The following MBP variants were observed in gnomAD, a reference collection of about 807,000 sequenced individuals.
MBP encodes the protein myelin basic protein.
In MBP, 16 loss-of-function variants were observed where a neutral mutation model predicts 35.8. The ratio of observed to expected loss-of-function variants is 0.45; its 90% CI spans 0.30 to 0.68. The LOEUF (loss-of-function observed/expected upper bound fraction) is 0.68. Ranked by LOEUF, MBP falls within the 30% of genes least tolerant of loss-of-function variation. The probability of loss-of-function intolerance (pLI) is 0.08; values close to 1 mark genes in which losing one functional copy is unlikely to be tolerated. For synonymous variants in MBP, 143 were observed against 159.6 expected, an observed-to-expected ratio of 0.90 and a Z score of 0.78; for missense variants, 380 against 404.7, an observed-to-expected ratio of 0.94 and a Z score of 0.52.
intron 4 of MBP, among the ~76,000 whole-genome samples, chr18:76,998,693 A>T (rs2123262330): frequency 6.6e-6 from 1 of 152,216 alleles, no homozygotes; most frequent in Non-Finnish European, 1.5e-5. Flanking sequence ...CATTTATGAG[A>T]TGAGACGTAC....
intron 3 of MBP, among the ~76,000 whole-genome samples, chr18:77,061,131 C>T (rs955460441): frequency 6.6e-6 from 1 of 152,198 alleles, no homozygotes; most frequent in Non-Finnish European, 1.5e-5. Flanking sequence ...TGGCTAGACA[C>T]AGGGATCATA....
At chr18:77,103,636 C>T (rs1976137595) in intron 2 of MBP, among the ~76,000 whole-genome samples, 1 of 152,218 alleles carries the variant, frequency 6.6e-6, no homozygotes, top group Non-Finnish European at 1.5e-5. Flanking sequence ...AAGGGCCGCC[C>T]CCATACAAAT....
At chr18:77,118,301 T>G (rs1976761593) in intron 1 of MBP, among the ~76,000 whole-genome samples, 1 of 151,866 alleles carries the variant, frequency 6.6e-6, no homozygotes, top group Admixed American at 6.6e-5. Context: ...TGGATTGGCC[T>G]CAGCCCGACT....
chr18:77,041,912 A>G (rs1973019581), intron 3 of MBP, among the ~76,000 whole-genome samples: 1 of 146,216 alleles, frequency 6.8e-6, no homozygotes, highest in African/African-American at 2.6e-5. Context: ...CATGTACCCT[A>G]AGACTTAAAG....
intron 2 of MBP, among the ~76,000 whole-genome samples, chr18:77,068,555 G>T (rs569546690): frequency 6.6e-6 from 1 of 152,300 alleles, no homozygotes; most frequent in Admixed American, 6.5e-5. Context: ...CTGTTTTGCA[G>T]AAAGAGGTGT....
chr18:77,029,749 T>G (rs1972469609), intron 3 of MBP, among the ~76,000 whole-genome samples: 1 of 151,916 alleles, frequency 6.6e-6, no homozygotes, highest in Non-Finnish European at 1.5e-5. Flanking sequence ...TGGTTAGTTT[T>G]GAGTGTTCTA....
At position 76,997,807 on chromosome 18, in the gene MBP, C is replaced by T. The variant is rs1337013495; in HGVS notation, c.577-7747G>A. On this transcript the variant is annotated intron_variant, in intron 4 of 8. Coordinates refer to ENST00000355994, the MANE Select transcript of MBP (RefSeq NM_001025101.2). ...ACGCCACTCTCCTGCCTCAACCTCC[C>T]GAGTAGCTGGGACTAGAGGCTCCGC... is the stretch of plus-strand genomic sequence containing the variant. Among the ~76,000 whole-genome samples the T allele has an allele frequency of 9.2e-5, 14 of 151,410 alleles. 1 individual carries two copies. Among genetic ancestry groups the T allele is most frequent in the Non-Finnish European group, 1.8e-4 (12 of 67,998 alleles).
chr18:77,014,363 G>T (rs181653363), intron 4 of MBP: 25 of 985,396 alleles, frequency 2.5e-5, no homozygotes, highest in Admixed American at 6.1e-5. Context: ...GTCATGGGGG[G>T]GCTCCACTCA....
Position 76,980,589 on chromosome 18 carries a change from A to G in MBP, c.871-118T>C, listed in dbSNP as rs548927106. 5 of 755,982 alleles carry G rather than the reference A, an allele frequency of 6.6e-6. No homozygotes were observed. The East Asian group carries it at 9.9e-5, about 15-fold the overall frequency. The allele number at this position is 755,982 out of a possible 1,614,324, so 46.8% of individuals were successfully genotyped here. Reference sequence around the variant, plus strand: ...CCATTGGGTGTCTCTCTCATCTGCTAATAGAAATGGCACCCCGGAGAGCTG... The same window carrying G: ...CCATTGGGTGTCTCTCTCATCTGCTGATAGAAATGGCACCCCGGAGAGCTG... On this transcript the variant is annotated intron_variant, in intron 8 of 8. Coordinates refer to ENST00000355994, the MANE Select transcript of MBP (RefSeq NM_001025101.2).
chr18:76,985,218 G>T (rs1195964487), intron 7 of MBP: 2 of 1,401,550 alleles, frequency 1.4e-6, no homozygotes, highest in Non-Finnish European at 1.9e-6. Context: ...ACGCTGTGGG[G>T]TGTTCAAGAG....
At chr18:76,984,553 C>T (rs1969424221) in intron 8 of MBP, 1 of 594,334 alleles carries the variant, frequency 1.7e-6, no homozygotes, top group Non-Finnish European at 2.9e-6. Context: ...AGGCGCAGCC[C>T]TTCCTCAAGC....
intron 2 of MBP, among the ~76,000 whole-genome samples, chr18:77,090,131 G>A (rs1275987343): frequency 6.6e-6 from 1 of 152,228 alleles, no homozygotes; most frequent in African/African-American, 2.4e-5. Context: ...AGGGGCCTCA[G>A]CCTTAAACGA....
At chr18:77,059,510 T>C (rs1298752656) in intron 3 of MBP, among the ~76,000 whole-genome samples, 1 of 150,842 alleles carries the variant, frequency 6.6e-6, no homozygotes, top group African/African-American at 2.4e-5. Context: ...CTAATGATAA[T>C]AATTTAACCT....
chr18:77,123,104 T>C (rs1424212887), intron 1 of MBP, among the ~76,000 whole-genome samples: 1 of 152,252 alleles, frequency 6.6e-6, no homozygotes, highest in African/African-American at 2.4e-5. Context: ...AGTATTTTTG[T>C]ACACAGTAGA....
At position 77,099,212 on chromosome 18, in the gene MBP, C is replaced by T. The variant is rs938716618; in HGVS notation, c.51+5999G>A. ...GGGATGGTGAACTGCATGACGTACA[C>T]TATACGGGGGGTCTCAGTGTGTTCT... On this transcript the variant is annotated intron_variant, in intron 2 of 8. Coordinates refer to ENST00000355994, the MANE Select transcript of MBP (RefSeq NM_001025101.2). Among the ~76,000 whole-genome samples the T allele has an allele frequency of 2.0e-5, 3 of 152,210 alleles. No individual in the cohort carries two copies. The South Asian group carries it at 6.2e-4, about 32-fold the overall frequency.
chr18:77,029,429 A>C (rs1972451919), intron 3 of MBP, among the ~76,000 whole-genome samples: 1 of 60,644 alleles, frequency 1.6e-5, no homozygotes, highest in Non-Finnish European at 3.1e-5. Flanking sequence ...GACCGTGGGG[A>C]GAGGGAGAGG....
chr18:76,981,904 G>A (rs1021490078), intron 8 of MBP: 2 of 152,236 alleles, frequency 1.3e-5, no homozygotes, highest in African/African-American at 4.8e-5. Context: ...CTGGAAAGTG[G>A]TAGAACCACT....
At chr18:77,082,063 G>A (rs12456666) in intron 2 of MBP, among the ~76,000 whole-genome samples, 140,146 of 150,858 alleles carry the variant, frequency 0.93, 65,560 homozygotes, top group South Asian at 0.99. Context: ...TGTGTTAGCC[G>A]GGATGGTTTC....
chr18:77,023,889 C>T (rs1398748088), intron 3 of MBP, among the ~76,000 whole-genome samples: 1 of 152,232 alleles, frequency 6.6e-6, no homozygotes, highest in Non-Finnish European at 1.5e-5. Context: ...GTGACCTCCT[C>T]TCCGAGGGCC....
Sources: gnomAD v4.1 joint callset for allele counts (sites outside exome capture counted in the v4.1 genomes callset) on GRCh38, gnomAD v4.1.1 for gene constraint, MANE v1.5 for transcripts, NCBI Gene and HGNC (gene_info 2026-07-23, HGNC 2026-07-21) for gene names.